REPS2: variants seen among roughly 807,000 people sequenced by gnomAD.
REPS2 encodes ralBP1-associated Eps domain-containing protein 2.
A neutral mutation model predicts 53.6 loss-of-function variants in REPS2; 23 were observed. The ratio of observed to expected loss-of-function variants is 0.43; its 90% confidence interval spans 0.31 to 0.61. The LOEUF (loss-of-function observed/expected upper bound fraction) is 0.61. REPS2 is among the 20% of genes least tolerant of loss of function. REPS2 has a pLI of 0.11. For synonymous variants in REPS2, 238 were observed against 218.6 expected (o/e 1.09, Z -0.78); for missense variants, 446 against 534.9 (o/e 0.83, Z 1.64).
At chrX:17,060,905 A>G (rs1016563099) in intron 8 of REPS2, among the ~76,000 whole-genome samples, 2 of 111,908 alleles carry the variant, frequency 1.8e-5, no homozygotes, top group Non-Finnish European at 3.8e-5. Context: ...GGGCACGGGT[A>G]GAAACCAGAA....
chrX:17,005,736 C>T, intron 1 of REPS2, among the ~76,000 whole-genome samples: 1 of 111,493 alleles, frequency 9.0e-6, no homozygotes, highest in African/African-American at 3.3e-5. Context: ...AACTGAGCAC[C>T]CAAGATGTAA....
rs1326041867 is a variant in REPS2, at chrX:16,946,797, G to T, written c.-65G>T. The T allele has an allele frequency of 1.3e-6, 1 of 760,437 alleles. No homozygotes were observed. The highest frequency in any genetic ancestry group is 1.5e-6 in the Non-Finnish European group (1 of 645,979). The allele number at this position is 760,437 out of a possible 1,213,427, so 62.7% of individuals were successfully genotyped here. On this transcript the variant is annotated 5_prime_UTR_variant, in exon 1 of 18. Transcript: ENST00000357277. ...GGCAGCTGAGGCCGAGGAGGCGGTG[G>T]CTGTGGCGGACGCAGCAGCACCCCA...
At chrX:17,128,274 A>G (rs2063242288) in intron 14 of REPS2, among the ~76,000 whole-genome samples, 1 of 110,786 alleles carries the variant, frequency 9.0e-6, no homozygotes, top group African/African-American at 3.3e-5. Flanking sequence ...AGTCTCAGAT[A>G]AAATCTGACC....
intron 4 of REPS2, among the ~76,000 whole-genome samples, chrX:17,027,659 GTTTTTTT>G (rs761592588): frequency 4.5e-5 from 3 of 67,268 alleles, no homozygotes; most frequent in African/African-American, 1.2e-4. Context: ...AAATCTTTAG[GTTTTTTT>G]TTTTTTTTTT....
chrX:16,946,753 TGGCGGC>T lies in REPS2; in HGVS notation c.-93_-88del, dbSNP rs746608999. 2.8e-5 allele frequency: 20 copies of T among 722,116 alleles called. No homozygotes were observed. The highest frequency in any genetic ancestry group is 9.4e-5 in the Admixed American group (1 of 10,649). The allele number at this position is 722,116 out of a possible 1,213,427, so 59.5% of individuals were successfully genotyped here. ...GGGGTGGTGGTGGCGGCGGCGGTGG[TGGCGGC>T]GGCGGCGGCGGCGGCAGCTGAGGCC... On this transcript the variant is annotated 5_prime_UTR_variant, in exon 1 of 18. Coordinates refer to ENST00000357277, the MANE Select transcript of REPS2 (RefSeq NM_004726.3).
rs189730135 is a variant in REPS2, at chrX:17,133,844, C to T, written c.1599C>T (p.Ala533=). Residue 533 remains alanine, a synonymous_variant, in exon 15 of 18, where the codon GCC becomes GCT. Transcript: ENST00000357277. The stretch of plus-strand genomic sequence containing the variant: ...TACAGTCTGAACAAGTGTCGGAGGC[C>T]GAGTTACTCCCACAGCTGAGCAGAG... The part of the protein sequence containing the change: ...CPSQSEQVSE[A]ELLPQLSRAP... 219 of 1,208,694 alleles carry T rather than the reference C, an allele frequency of 1.8e-4. No individual in the cohort carries two copies. In the Middle Eastern group the frequency reaches 3.0e-3, roughly 17 times the overall value.
chrX:17,080,700 A>G (rs749040294), intron 13 of REPS2, among the ~76,000 whole-genome samples: 1 of 112,006 alleles, frequency 8.9e-6, no homozygotes, highest in Non-Finnish European at 1.9e-5. Flanking sequence ...CTTTTTAATC[A>G]TTACCTGTGT....
intron 5 of REPS2, among the ~76,000 whole-genome samples, chrX:17,033,772 A>C (rs1273395592): frequency 8.9e-6 from 1 of 112,242 alleles, no homozygotes. Context: ...ACACAAATCT[A>C]ATCATCCTGC....
At chrX:17,191,939 G>A in the REPS2 span, among the ~76,000 whole-genome samples, 1 of 112,284 alleles carries the variant, frequency 8.9e-6, no homozygotes, top group East Asian at 2.8e-4. Flanking sequence ...ATAGAACTGC[G>A]TCTTGATTAT....
intron 1 of REPS2, among the ~76,000 whole-genome samples, chrX:16,969,130 C>T (rs1186983293): frequency 6.5e-5 from 7 of 107,418 alleles, no homozygotes; most frequent in Admixed American, 2.0e-4. Flanking sequence ...AGACGATGGG[C>T]GGCCGGGCAG....
intron 11 of REPS2, among the ~76,000 whole-genome samples, chrX:17,073,691 G>T (rs1340140103): frequency 9.3e-6 from 1 of 107,137 alleles, no homozygotes; most frequent in Non-Finnish European, 1.9e-5. Context: ...TTTTTAAAAC[G>T]TGTAGTTAGA....
intron 5 of REPS2, among the ~76,000 whole-genome samples, chrX:17,046,901 C>T: frequency 1.8e-5 from 2 of 112,291 alleles, no homozygotes; most frequent in Middle Eastern, 4.6e-3. Context: ...TGGATTTATA[C>T]AGCATTTCAG....
intron 2 of REPS2, among the ~76,000 whole-genome samples, chrX:17,007,285 C>T (rs1009355588): frequency 9.0e-6 from 1 of 111,726 alleles, no homozygotes; most frequent in Non-Finnish European, 1.9e-5. Flanking sequence ...TCACACTAAC[C>T]GTTAGCAGGT....
the REPS2 span, among the ~76,000 whole-genome samples, chrX:17,173,074 A>G: frequency 9.0e-6 from 1 of 111,289 alleles, no homozygotes; most frequent in Non-Finnish European, 1.9e-5. Flanking sequence ...CATCTAAAAT[A>G]ATACCTCTAT....
intron 17 of REPS2, 68 bp downstream of exon 17, chrX:17,139,029 T>A (rs954867313): frequency 4.9e-6 from 3 of 612,634 alleles, no homozygotes; most frequent in Non-Finnish European, 7.5e-6. Context: ...TTTTTTTAAT[T>A]TAATAGGCAT....
chrX:16,969,887 G>A (rs924781011), intron 1 of REPS2, among the ~76,000 whole-genome samples: 2 of 111,525 alleles, frequency 1.8e-5, no homozygotes, highest in Admixed American at 1.9e-4. Context: ...ATTAGTTAGT[G>A]TGCTTCCTTT....
the REPS2 span, among the ~76,000 whole-genome samples, chrX:17,189,368 C>T: frequency 9.2e-6 from 1 of 109,000 alleles, no homozygotes; most frequent in East Asian, 2.9e-4. Context: ...TCACTGCAAC[C>T]TCCGCCTCCC....
chrX:17,020,976 T>C (rs756335986), intron 2 of REPS2, among the ~76,000 whole-genome samples: 2 of 112,001 alleles, frequency 1.8e-5, no homozygotes, highest in Admixed American at 9.5e-5. Context: ...CAACTAAAAG[T>C]AAACATCATG....
chrX:17,100,375 C>T (rs1043363751), intron 13 of REPS2: 18 of 446,700 alleles, frequency 4.0e-5, no homozygotes, highest in South Asian at 1.3e-4. Flanking sequence ...GGAAAGGAAT[C>T]GGTGCTGCGC....
Sources: gnomAD v4.1 joint callset for allele counts (sites outside exome capture counted in the v4.1 genomes callset) on GRCh38, gnomAD v4.1.1 for gene constraint, MANE v1.5 for transcripts, NCBI Gene and HGNC (gene_info 2026-07-23, HGNC 2026-07-21) for gene names.